Variants in VPS13B observed in about 807,000 individuals in gnomAD.
VPS13B encodes the protein vacuolar protein sorting 13 homolog B, also known as intermembrane lipid transfer protein VPS13B.
A neutral mutation model predicts 426.4 loss-of-function variants in VPS13B; 285 were observed. The observed-to-expected ratio is 0.67, with a 90% CI of 0.61 to 0.74. The LOEUF (loss-of-function observed/expected upper bound fraction) is 0.74, where lower values mean the gene tolerates loss of function less well. VPS13B is among the 30% of genes least tolerant of loss of function. VPS13B has a pLI of 0.00. For synonymous variants in VPS13B, 1,676 were observed against 1,676.4 expected, an observed-to-expected ratio of 1.00 and a Z score of 0.01; for missense variants, 4,537 against 4,782.6, an observed-to-expected ratio of 0.95 and a Z score of 1.51.
intron 44 of VPS13B, among the ~76,000 whole-genome samples, chr8:99,813,668 A>G (rs1483361286): frequency 6.6e-6 from 1 of 152,218 alleles, no homozygotes; most frequent in East Asian, 1.9e-4. Context: ...GGGAAATACA[A>G]CTGTTCAGCA....
chr8:99,701,562 T>C (rs1832281865), intron 36 of VPS13B, among the ~76,000 whole-genome samples: 1 of 152,166 alleles, frequency 6.6e-6, no homozygotes, highest in African/African-American at 2.4e-5. Context: ...ACTTGTTTTT[T>C]CCCCCTGTAT....
At chr8:99,302,627 A>C (rs1011341079) in intron 19 of VPS13B, among the ~76,000 whole-genome samples, 14 of 152,072 alleles carry the variant, frequency 9.2e-5, no homozygotes, top group Non-Finnish European at 2.1e-4. Flanking sequence ...CTCCTGCCTC[A>C]GCCTGCCAGG....
chr8:99,377,835 G>A (rs192088797), intron 19 of VPS13B, among the ~76,000 whole-genome samples: 231 of 152,278 alleles, frequency 1.5e-3, no homozygotes, highest in African/African-American at 5.1e-3. Context: ...TAGGGTGTGG[G>A]TCACAGAGAT....
chr8:99,817,413 TG>T (rs2130810177), intron 44 of VPS13B, 126 bp from the exon 45 acceptor site: 2 of 1,266,822 alleles, frequency 1.6e-6, no homozygotes, highest in South Asian at 1.4e-5. Context: ...CTTCTTGTAC[TG>T]TTTAAGCTAA....
chr8:99,563,032 A>G (rs1435681410), intron 31 of VPS13B, among the ~76,000 whole-genome samples: 3 of 152,158 alleles, frequency 2.0e-5, no homozygotes, highest in African/African-American at 4.8e-5. Context: ...GCATGGTGGC[A>G]TGCACCTATG....
intron 17 of VPS13B, among the ~76,000 whole-genome samples, chr8:99,215,263 G>A (rs1412817822): frequency 6.6e-6 from 1 of 152,126 alleles, no homozygotes; most frequent in Non-Finnish European, 1.5e-5. Flanking sequence ...GTTGTATAGG[G>A]TGTACAAACT....
At chr8:99,754,573 T>C (rs1421946443) in intron 39 of VPS13B, among the ~76,000 whole-genome samples, 1 of 152,196 alleles carries the variant, frequency 6.6e-6, no homozygotes, top group East Asian at 1.9e-4. Flanking sequence ...GGACTGTCTC[T>C]TTCAGTCACT....
intron 16 of VPS13B, among the ~76,000 whole-genome samples, chr8:99,181,314 C>CA (rs1452072984): frequency 1.3e-5 from 2 of 152,080 alleles, no homozygotes; most frequent in African/African-American, 4.8e-5. Flanking sequence ...TTAATCTGAA[C>CA]AAAAAATATG....
chr8:99,561,518 T>C (rs1824920629), intron 31 of VPS13B, among the ~76,000 whole-genome samples: 1 of 152,250 alleles, frequency 6.6e-6, no homozygotes, highest in Non-Finnish European at 1.5e-5. Flanking sequence ...GTAGAAACTG[T>C]ACTTTGCATA....
intron 22 of VPS13B, 139 bp downstream of exon 22, chr8:99,431,803 A>G: frequency 2.2e-6 from 2 of 901,836 alleles, no homozygotes; most frequent in Non-Finnish European, 3.3e-6. Flanking sequence ...GTTGAAAATA[A>G]TTGGTGTACT....
chr8:99,364,630 G>A (rs183928961), intron 19 of VPS13B, among the ~76,000 whole-genome samples: 21 of 152,000 alleles, frequency 1.4e-4, no homozygotes, highest in Admixed American at 7.2e-4. Flanking sequence ...ACAGGGTTTC[G>A]CCATATTGCC....
intron 30 of VPS13B, among the ~76,000 whole-genome samples, chr8:99,541,967 G>A (rs954460818): frequency 6.6e-6 from 1 of 152,202 alleles, no homozygotes; most frequent in African/African-American, 2.4e-5. Flanking sequence ...GCAGGATTAA[G>A]TTTCTACAGG....
chr8:99,724,313 G>T (rs1320098337), intron 39 of VPS13B, among the ~76,000 whole-genome samples: 1 of 152,098 alleles, frequency 6.6e-6, no homozygotes, highest in Non-Finnish European at 1.5e-5. Context: ...TGGGGTAGAA[G>T]AATCTAATTT....
At chr8:99,148,365 A>G (rs1052566540) in intron 14 of VPS13B, among the ~76,000 whole-genome samples, 1 of 145,776 alleles carries the variant, frequency 6.9e-6, no homozygotes, top group African/African-American at 2.6e-5. Flanking sequence ...CCCTGTCTCA[A>G]AAAAAAAAAA....
chr8:99,689,813 T>C (rs1371140111), intron 35 of VPS13B, among the ~76,000 whole-genome samples: 1 of 152,130 alleles, frequency 6.6e-6, no homozygotes, highest in East Asian at 1.9e-4. Context: ...TCAGGGAAAA[T>C]GGATCCCTTA....
At chr8:99,524,564 G>T (rs1198501368) in intron 30 of VPS13B, among the ~76,000 whole-genome samples, 1 of 152,198 alleles carries the variant, frequency 6.6e-6, no homozygotes, top group African/African-American at 2.4e-5. Flanking sequence ...AGCTTTACGT[G>T]GGAGGATTGC....
intron 34 of VPS13B, among the ~76,000 whole-genome samples, chr8:99,648,246 C>T (rs907468170): frequency 6.6e-6 from 1 of 152,146 alleles, no homozygotes; most frequent in Admixed American, 6.6e-5. Flanking sequence ...ATGTGATAAC[C>T]ATACTTATTA....
chr8:99,728,871 A>G (rs918742486), intron 39 of VPS13B, among the ~76,000 whole-genome samples: 7 of 152,370 alleles, frequency 4.6e-5, no homozygotes, highest in Middle Eastern at 6.8e-3. Flanking sequence ...AACTGGGGCC[A>G]GGAATGGAAG....
intron 33 of VPS13B, among the ~76,000 whole-genome samples, chr8:99,579,811 C>T (rs1467383645): frequency 6.6e-6 from 1 of 151,956 alleles, no homozygotes; most frequent in Non-Finnish European, 1.5e-5. Flanking sequence ...AATTCTCCTG[C>T]CTCAGCGTCC....
Sources: gnomAD v4.1 joint callset for allele counts (sites outside exome capture counted in the v4.1 genomes callset) on GRCh38, gnomAD v4.1.1 for gene constraint, MANE v1.5 for transcripts, NCBI Gene and HGNC (gene_info 2026-07-23, HGNC 2026-07-21) for gene names.